Variants in KCNH8 observed in about 807,000 individuals in gnomAD.
KCNH8 encodes the protein potassium voltage-gated channel subfamily H member 8, also known as voltage-gated delayed rectifier potassium channel KCNH8.
Under a neutral mutation model 103.6 loss-of-function variants are expected in KCNH8, and 70 were observed. That is an observed-to-expected ratio of 0.68 (90% confidence interval 0.56 to 0.82). The LOEUF (loss-of-function observed/expected upper bound fraction) is 0.82. Ranked by LOEUF, KCNH8 falls within the 40% of genes least tolerant of loss-of-function variation. The pLI is 0.00. For missense variants in KCNH8, 1,217 were observed against 1,329.9 expected (o/e 0.92, Z 1.32); for synonymous variants, 498 against 489.4 (o/e 1.02, Z -0.23).
At chr3:19,295,565 A>G (rs1295679762) in intron 3 of KCNH8, among the ~76,000 whole-genome samples, 1 of 152,148 alleles carries the variant, frequency 6.6e-6, no homozygotes, top group African/African-American at 2.4e-5. Context: ...TGGGGATTAC[A>G]GCTGTTATGA....
At chr3:19,431,684 T>G (rs113245754) in intron 7 of KCNH8, among the ~76,000 whole-genome samples, 34 of 152,282 alleles carry the variant, frequency 2.2e-4, no homozygotes, top group African/African-American at 8.2e-4. Context: ...CAAAGCCAGT[T>G]ATTCACCTGT....
At chr3:19,409,319 A>C (rs2066740118) in intron 7 of KCNH8, among the ~76,000 whole-genome samples, 1 of 152,166 alleles carries the variant, frequency 6.6e-6, no homozygotes, top group Non-Finnish European at 1.5e-5. Context: ...GCAAGCACTA[A>C]GGGAATTTGT....
intron 3 of KCNH8, among the ~76,000 whole-genome samples, chr3:19,289,688 C>A (rs1575499095): frequency 6.6e-6 from 1 of 152,010 alleles, no homozygotes; most frequent in South Asian, 2.1e-4. Flanking sequence ...CTGGAGGATT[C>A]CAGCCAAATC....
intron 11 of KCNH8, among the ~76,000 whole-genome samples, chr3:19,504,036 C>T (rs1040317567): frequency 1.2e-4 from 18 of 151,926 alleles, no homozygotes; most frequent in Admixed American, 3.3e-4. Context: ...GAAATAAGGC[C>T]ACACATCTAC....
intron 3 of KCNH8, among the ~76,000 whole-genome samples, chr3:19,306,573 T>C (rs2065133152): frequency 6.6e-6 from 1 of 152,032 alleles, no homozygotes; most frequent in Admixed American, 6.6e-5. Flanking sequence ...AGCTAGCAAG[T>C]ACCTAAGTTT....
chr3:19,229,029 G>A (rs1308779950), intron 1 of KCNH8, among the ~76,000 whole-genome samples: 1 of 152,176 alleles, frequency 6.6e-6, no homozygotes, highest in African/African-American at 2.4e-5. Context: ...TTGTACATTA[G>A]TCTAGAATTA....
intron 7 of KCNH8, among the ~76,000 whole-genome samples, chr3:19,431,201 T>C (rs111653054): frequency 1.4e-4 from 21 of 152,208 alleles, no homozygotes; most frequent in African/African-American, 5.1e-4. Context: ...GAAAGGATGA[T>C]GATATTTATC....
chr3:19,405,892 T>C (rs1484756547), intron 7 of KCNH8, among the ~76,000 whole-genome samples: 1 of 152,026 alleles, frequency 6.6e-6, no homozygotes, highest in African/African-American at 2.4e-5. Context: ...GCTGTAGATA[T>C]CCAATGATAA....
At chr3:19,225,192 G>A (rs1223766908) in intron 1 of KCNH8, among the ~76,000 whole-genome samples, 3 of 151,830 alleles carry the variant, frequency 2.0e-5, no homozygotes, top group African/African-American at 7.3e-5. Flanking sequence ...AGATATAATA[G>A]AGTAGCAAAA....
intron 5 of KCNH8, among the ~76,000 whole-genome samples, chr3:19,383,089 A>G (rs1170236158): frequency 3.3e-5 from 5 of 152,186 alleles, no homozygotes; most frequent in African/African-American, 1.2e-4. Flanking sequence ...ATAGGGATGC[A>G]CTTAATCTCT....
Position 19,532,951 on chromosome 3 carries a change from TC to T in KCNH8, c.2620-441del, listed in dbSNP as rs1160920754. On this transcript the variant is annotated intron_variant, in intron 15 of 15. Coordinates refer to ENST00000328405, the MANE Select transcript of KCNH8 (RefSeq NM_144633.3). ...TCTTTTTCATGGCTCACGCCTGAAA[TC>T]CCAGCACTTTGGGAGGCCGAGGAGG... Among the ~76,000 whole-genome samples, 4 of 152,116 alleles carry T rather than the reference TC, an allele frequency of 2.6e-5. No homozygotes were observed. In the East Asian group the frequency reaches 7.7e-4, roughly 29 times the overall value.
At chr3:19,507,542 T>C (rs1005905904) in intron 11 of KCNH8, among the ~76,000 whole-genome samples, 11 of 152,080 alleles carry the variant, frequency 7.2e-5, no homozygotes, top group Non-Finnish European at 1.5e-4. Flanking sequence ...GGCAGTACCA[T>C]TGCAGCTGCA....
chr3:19,357,573 T>A (rs900994734), intron 5 of KCNH8, among the ~76,000 whole-genome samples: 4 of 151,936 alleles, frequency 2.6e-5, no homozygotes, highest in Non-Finnish European at 5.9e-5. Flanking sequence ...AAATAGAATG[T>A]CCTTTTTTAC....
chr3:19,529,027 G>A (rs994920479), intron 15 of KCNH8, among the ~76,000 whole-genome samples: 1 of 152,124 alleles, frequency 6.6e-6, no homozygotes, highest in Non-Finnish European at 1.5e-5. Context: ...GAGAAGGGCA[G>A]AGGAGAAGAG....
At chr3:19,387,441 C>A (rs2066372413) in intron 5 of KCNH8, among the ~76,000 whole-genome samples, 1 of 152,108 alleles carries the variant, frequency 6.6e-6, no homozygotes, top group Non-Finnish European at 1.5e-5. Context: ...TGTTAAAATG[C>A]AAGTGATAGT....
At chr3:19,244,574 A>G (rs1261224639) in intron 1 of KCNH8, among the ~76,000 whole-genome samples, 1 of 152,338 alleles carries the variant, frequency 6.6e-6, no homozygotes, top group East Asian at 1.9e-4. Context: ...GAACTAATCT[A>G]CATTCCAACC....
At chr3:19,480,090 G>A (rs1212686278) in intron 11 of KCNH8, among the ~76,000 whole-genome samples, 1 of 152,130 alleles carries the variant, frequency 6.6e-6, no homozygotes, top group African/African-American at 2.4e-5. Context: ...ACTCAAACAC[G>A]GGCTTGTAAA....
At chr3:19,236,614 C>A (rs184911411) in intron 1 of KCNH8, among the ~76,000 whole-genome samples, 1 of 152,268 alleles carries the variant, frequency 6.6e-6, no homozygotes, top group East Asian at 1.9e-4. Flanking sequence ...TATGCCCTTT[C>A]CTCAGAATCT....
At chr3:19,483,016 A>G (rs1222386677) in intron 11 of KCNH8, among the ~76,000 whole-genome samples, 1 of 151,746 alleles carries the variant, frequency 6.6e-6, no homozygotes. Flanking sequence ...ATGATATTGT[A>G]TGATTTTTTT....
Sources: gnomAD v4.1 joint callset for allele counts (sites outside exome capture counted in the v4.1 genomes callset) on GRCh38, gnomAD v4.1.1 for gene constraint, MANE v1.5 for transcripts, NCBI Gene and HGNC (gene_info 2026-07-23, HGNC 2026-07-21) for gene names.